ANKRD44: variants seen among roughly 807,000 people sequenced by gnomAD.
The protein encoded by ANKRD44 is serine/threonine-protein phosphatase 6 regulatory ankyrin repeat subunit B.
Under a neutral mutation model 116.0 loss-of-function variants are expected in ANKRD44, and 35 were observed. The observed-to-expected ratio is 0.30, with a 90% CI of 0.23 to 0.40. The LOEUF (loss-of-function observed/expected upper bound fraction) is 0.40. Among genes scored for constraint, ANKRD44 ranks in the 10% least tolerant of loss-of-function variants. The pLI is 1.00. For missense variants in ANKRD44, 1,014 were observed against 1,242.6 expected, an observed-to-expected ratio of 0.82 and a Z score of 2.77; for synonymous variants, 435 against 461.8, an observed-to-expected ratio of 0.94 and a Z score of 0.74.
At chr2:197,230,048 G>A (rs760249266) in intron 1 of ANKRD44, among the ~76,000 whole-genome samples, 5 of 151,878 alleles carry the variant, frequency 3.3e-5, no homozygotes, top group Non-Finnish European at 7.4e-5. Flanking sequence ...AAGCAAAGAC[G>A]GAATGATGGT....
At chr2:197,199,181 A>G (rs1245120045) in intron 1 of ANKRD44, 1 of 152,078 alleles carries the variant, frequency 6.6e-6, no homozygotes, top group Non-Finnish European at 1.5e-5. Flanking sequence ...AGGTTTTGGT[A>G]AGAAGAAAGC....
At chr2:197,166,252 T>C (rs2080099440) in intron 2 of ANKRD44, among the ~76,000 whole-genome samples, 1 of 152,198 alleles carries the variant, frequency 6.6e-6, no homozygotes, top group Admixed American at 6.5e-5. Flanking sequence ...TGTACTTTTC[T>C]TTCTAAGTAT....
chr2:197,040,494 A>G (rs945085489), intron 16 of ANKRD44, among the ~76,000 whole-genome samples: 3 of 148,126 alleles, frequency 2.0e-5, no homozygotes, highest in African/African-American at 7.5e-5. Context: ...ATCCTGCCTC[A>G]GCCTCCCGAG....
chr2:197,272,871 A>T (rs1365765815), intron 1 of ANKRD44, among the ~76,000 whole-genome samples: 1 of 152,160 alleles, frequency 6.6e-6, no homozygotes, highest in Non-Finnish European at 1.5e-5. Flanking sequence ...ATTCTGTTGG[A>T]AGCACCAAAG....
intron 9 of ANKRD44, among the ~76,000 whole-genome samples, chr2:197,105,670 C>T (rs1015985436): frequency 3.9e-5 from 6 of 152,144 alleles, no homozygotes; most frequent in African/African-American, 1.4e-4. Flanking sequence ...TTATTGTGAT[C>T]GTCTAGGGAC....
chr2:197,091,208 G>A (rs2078036427), intron 10 of ANKRD44, among the ~76,000 whole-genome samples: 2 of 152,184 alleles, frequency 1.3e-5, no homozygotes, highest in Admixed American at 6.5e-5. Flanking sequence ...AGGCACCCCC[G>A]CCTGGATGCT....
At chr2:197,285,729 T>G (rs1288639282) in intron 1 of ANKRD44, among the ~76,000 whole-genome samples, 1 of 152,050 alleles carries the variant, frequency 6.6e-6, no homozygotes. Context: ...TTGGACAGAT[T>G]GCAGAAAAAC....
At chr2:196,982,720 G>A (rs1489727168), downstream of ANKRD44, among the ~76,000 whole-genome samples, 1 of 152,130 alleles carries the variant, frequency 6.6e-6, no homozygotes, top group Non-Finnish European at 1.5e-5. Context: ...CTATTGCAGT[G>A]GCTACCTAAT....
intron 1 of ANKRD44, among the ~76,000 whole-genome samples, chr2:197,238,214 C>G (rs772213656): frequency 6.6e-6 from 1 of 152,188 alleles, no homozygotes; most frequent in Non-Finnish European, 1.5e-5. Context: ...CAGACTATGC[C>G]TGTTTGGCTC....
At chr2:197,024,438 G>T (rs772219656) in intron 17 of ANKRD44, among the ~76,000 whole-genome samples, 3 of 152,182 alleles carry the variant, frequency 2.0e-5, no homozygotes, top group Non-Finnish European at 4.4e-5. Context: ...GGGTGTGGCT[G>T]CCAGTCAGCA....
chr2:197,047,221 T>C (rs190101333), intron 16 of ANKRD44, among the ~76,000 whole-genome samples: 2 of 152,228 alleles, frequency 1.3e-5, no homozygotes, highest in East Asian at 1.9e-4. Flanking sequence ...GGTTTCTCAA[T>C]GTTGGCCAGA....
intron 22 of ANKRD44, among the ~76,000 whole-genome samples, chr2:197,001,076 C>CT (rs2076106288): frequency 6.6e-6 from 1 of 152,084 alleles, no homozygotes; most frequent in Non-Finnish European, 1.5e-5. Flanking sequence ...CTTTCTGACT[C>CT]TTTTTTACTT....
At chr2:197,046,987 C>T (rs923090693) in intron 16 of ANKRD44, among the ~76,000 whole-genome samples, 26 of 151,480 alleles carry the variant, frequency 1.7e-4, no homozygotes, top group Non-Finnish European at 2.7e-4. Flanking sequence ...TTTCTTTAAA[C>T]GTTTATCACC....
chr2:197,001,454 C>G (rs1294839001), intron 22 of ANKRD44, among the ~76,000 whole-genome samples: 1 of 152,196 alleles, frequency 6.6e-6, no homozygotes, highest in Admixed American at 6.5e-5. Context: ...TAGAATTTGG[C>G]AGACAAATGT....
At position 197,239,495 on chromosome 2, in the gene ANKRD44, G is replaced by A. The variant is rs573392132; in HGVS notation, c.28-52389C>T. Among the ~76,000 whole-genome samples, 30 of 152,334 alleles carry A rather than the reference G, an allele frequency of 2.0e-4. No individual in the cohort carries two copies. In the South Asian group the frequency reaches 5.8e-3, roughly 29 times the overall value. ...TCTGCCCACTTTGGCCTCCCAAAGT[G>A]CTGGGACTGCAGGTGTGAGGCACTG... On this transcript the variant is annotated intron_variant, in intron 1 of 27. Transcript: ENST00000282272.
intron 16 of ANKRD44, among the ~76,000 whole-genome samples, chr2:197,044,010 T>G (rs1574338559): frequency 6.6e-6 from 1 of 152,210 alleles, no homozygotes; most frequent in East Asian, 1.9e-4. Flanking sequence ...GATCAAACAA[T>G]TAAAATGAAG....
rs116854915 is a variant in ANKRD44 at position 197,061,669 on chromosome 2, T to C, written c.1650+17034A>G. 2.5e-3 allele frequency among the ~76,000 whole-genome samples: 380 copies of C among 152,272 alleles called. 1 individual carries two copies. Among genetic ancestry groups the C allele is most frequent in the East Asian group, 0.016 (85 of 5,182 alleles). ...AATAACTGGGGAGTAGTTATTATAA[T>C]CCTGTTATTGCCCTATGGAGAACTA... On this transcript the variant is annotated intron_variant, in intron 16 of 27. Coordinates refer to ENST00000282272, the MANE Select transcript of ANKRD44 (RefSeq NM_001195144.2).
chr2:197,109,317 C>CGGTG (rs2078511516), intron 9 of ANKRD44, among the ~76,000 whole-genome samples: 1 of 152,124 alleles, frequency 6.6e-6, no homozygotes. Context: ...AAATAAAACA[C>CGGTG]GGTGGCCTTT....
chr2:197,265,300 G>A (rs1269465263), intron 1 of ANKRD44, among the ~76,000 whole-genome samples: 7 of 151,062 alleles, frequency 4.6e-5, no homozygotes, highest in Non-Finnish European at 8.8e-5. Flanking sequence ...AGGCTGAAGT[G>A]CAGTGGCATG....
Sources: gnomAD v4.1 joint callset for allele counts (sites outside exome capture counted in the v4.1 genomes callset) on GRCh38, gnomAD v4.1.1 for gene constraint, MANE v1.5 for transcripts, NCBI Gene and HGNC (gene_info 2026-07-23, HGNC 2026-07-21) for gene names.